Variants in BMERB1 observed in about 807,000 individuals in gnomAD.
BMERB1 encodes the protein bMERB domain containing 1.
In BMERB1, 12 loss-of-function variants were observed where a neutral mutation model predicts 23.6. That is an observed-to-expected ratio of 0.51 (90% CI 0.33 to 0.82). BMERB1 has a LOEUF of 0.82. Ranked by LOEUF, BMERB1 falls within the 40% of genes least tolerant of loss-of-function variation. BMERB1 has a pLI of 0.03. For synonymous variants in BMERB1, 122 were observed against 96.6 expected (o/e 1.26, Z -1.54); for missense variants, 247 against 255.4 (o/e 0.97, Z 0.22).
intron 1 of BMERB1, among the ~76,000 whole-genome samples, chr16:15,498,939 A>G (rs1476434197): frequency 6.6e-6 from 1 of 152,260 alleles, no homozygotes; most frequent in Non-Finnish European, 1.5e-5. Context: ...AAGCACTCAC[A>G]GGCTATGGAG....
intron 2 of BMERB1, among the ~76,000 whole-genome samples, chr16:15,554,868 G>A (rs1456705967): frequency 4.6e-5 from 7 of 151,968 alleles, no homozygotes; most frequent in Admixed American, 1.3e-4. Context: ...GGGTTTCACC[G>A]TGTTAGCCAG....
chr16:15,442,543 A>T (rs1283094983), intron 1 of BMERB1, among the ~76,000 whole-genome samples: 2 of 152,154 alleles, frequency 1.3e-5, no homozygotes, highest in Non-Finnish European at 2.9e-5. Context: ...TATTTTTGCA[A>T]GAGTTTCCTC....
chr16:15,548,667 G>A (rs1255097897), intron 2 of BMERB1, among the ~76,000 whole-genome samples: 3 of 152,186 alleles, frequency 2.0e-5, no homozygotes, highest in Non-Finnish European at 4.4e-5. Flanking sequence ...ATCCAACAGA[G>A]ATTACTTGCG....
At chr16:15,521,194 C>T (rs1457327926) in intron 2 of BMERB1, among the ~76,000 whole-genome samples, 2 of 152,228 alleles carry the variant, frequency 1.3e-5, no homozygotes, top group Non-Finnish European at 2.9e-5. Flanking sequence ...CAGTGATGGG[C>T]TTTCTATGCG....
chr16:15,502,478 C>A, intron 1 of BMERB1: 1 of 982,712 alleles, frequency 1.0e-6, no homozygotes, highest in Non-Finnish European at 1.6e-6. Context: ...GACTTCATCT[C>A]TTTGGGAAAC....
chr16:15,474,629 C>G (rs1420692319), intron 1 of BMERB1, among the ~76,000 whole-genome samples: 4 of 152,152 alleles, frequency 2.6e-5, no homozygotes, highest in Admixed American at 1.3e-4. Flanking sequence ...TTCCTCCTGC[C>G]TCAGCCTCCT....
In BMERB1 at chr16:15,536,569, T is replaced by A. The variant is rs376064571; in HGVS notation, c.230+21141T>A. ...TTCCCCGATTGAGCACTGACTAATATCCCTCAACAGCCTTTACAGAAGTAG... is the reference window on the plus strand; with the variant it reads ...TTCCCCGATTGAGCACTGACTAATAACCCTCAACAGCCTTTACAGAAGTAG... On this transcript the variant is annotated intron_variant, in intron 2 of 5. Coordinates refer to ENST00000300006, the MANE Select transcript of BMERB1 (RefSeq NM_033201.3). The A allele has an allele frequency of 1.0e-3, 156 of 152,434 alleles. 1 individual carries two copies. Among genetic ancestry groups the A allele is most frequent in the Non-Finnish European group, 2.0e-3 (133 of 68,130 alleles). The allele number at this position is 152,434 out of a possible 1,614,324, so 9.4% of individuals were successfully genotyped here.
At chr16:15,574,865 G>T (rs1484213636) in intron 3 of BMERB1, among the ~76,000 whole-genome samples, 2 of 152,080 alleles carry the variant, frequency 1.3e-5, no homozygotes. Context: ...ATTGCTTGAG[G>T]CCAAGAGTTG....
At chr16:15,541,122 T>G (rs1411468443) in intron 2 of BMERB1, among the ~76,000 whole-genome samples, 3 of 152,068 alleles carry the variant, frequency 2.0e-5, no homozygotes, top group African/African-American at 7.2e-5. Flanking sequence ...TTTGATAGTT[T>G]GCTGGAATGA....
chr16:15,559,427 T>C (rs2030357261), intron 2 of BMERB1, among the ~76,000 whole-genome samples: 1 of 152,062 alleles, frequency 6.6e-6, no homozygotes, highest in Admixed American at 6.6e-5. Flanking sequence ...CACGGTGAAA[T>C]TGTCAAGAGC....
chr16:15,571,797 C>G (rs569629999), intron 3 of BMERB1, among the ~76,000 whole-genome samples: 89 of 152,252 alleles, frequency 5.8e-4, no homozygotes, highest in African/African-American at 2.0e-3. Context: ...TATAAATCAT[C>G]GTCCCTCCGC....
chr16:15,536,015 C>T (rs893176822), intron 2 of BMERB1, among the ~76,000 whole-genome samples: 1 of 152,126 alleles, frequency 6.6e-6, no homozygotes, highest in African/African-American at 2.4e-5. Context: ...ACTTCCCTCC[C>T]TCGACACGTG....
chr16:15,585,114 G>C (rs1339068615), intron 5 of BMERB1, among the ~76,000 whole-genome samples: 1 of 152,232 alleles, frequency 6.6e-6, no homozygotes, highest in Non-Finnish European at 1.5e-5. Context: ...AGTAAGGAAA[G>C]AGAAGGGCAA....
At chr16:15,578,026 T>A (rs1489173662) in intron 3 of BMERB1, among the ~76,000 whole-genome samples, 1 of 152,214 alleles carries the variant, frequency 6.6e-6, no homozygotes, top group African/African-American at 2.4e-5. Flanking sequence ...TTTTAACAAC[T>A]GCCTGACATC....
intron 2 of BMERB1, among the ~76,000 whole-genome samples, chr16:15,537,278 C>T (rs574616485): frequency 3.9e-4 from 60 of 152,176 alleles, no homozygotes; most frequent in African/African-American, 1.4e-3. Flanking sequence ...AACACAGGGT[C>T]TCCTTTTATT....
In BMERB1 at chr16:15,456,081, A is replaced by G. The variant is rs553352040; in HGVS notation, c.106+21322A>G. On this transcript the variant is annotated intron_variant, in intron 1 of 5. Coordinates refer to ENST00000300006, the MANE Select transcript of BMERB1 (RefSeq NM_033201.3). ...AATCTTTTTAAAGTAATAGATGCTC[A>G]TTATAAAAATTCAAACAATACAAAA... 3.3e-5 allele frequency among the ~76,000 whole-genome samples: 5 copies of G among 152,288 alleles called. No individual in the cohort carries two copies. The South Asian group carries it at 8.3e-4, about 25-fold the overall frequency.
At chr16:15,533,459 A>G (rs897569641) in intron 2 of BMERB1, among the ~76,000 whole-genome samples, 6 of 151,224 alleles carry the variant, frequency 4.0e-5, no homozygotes, top group African/African-American at 9.7e-5. Flanking sequence ...CAGTGGTTCA[A>G]TCTTGGTTCA....
chr16:15,537,204 A>T (rs1328356949), intron 2 of BMERB1, among the ~76,000 whole-genome samples: 1 of 152,196 alleles, frequency 6.6e-6, no homozygotes, highest in African/African-American at 2.4e-5. Flanking sequence ...CCAACCAAAC[A>T]GAATTTGTCA....
At chr16:15,452,078 G>C (rs905091010) in intron 1 of BMERB1, among the ~76,000 whole-genome samples, 6 of 151,666 alleles carry the variant, frequency 4.0e-5, no homozygotes, top group African/African-American at 1.2e-4. Context: ...GCAAGAGTTT[G>C]AGACCAGCCT....
Sources: allele counts gnomAD v4.1 joint callset (sites outside exome capture counted in the v4.1 genomes callset), GRCh38; gene constraint gnomAD v4.1.1; transcripts MANE v1.5; gene names NCBI Gene and HGNC (gene_info 2026-07-23, HGNC 2026-07-21).